PRPSAP1: variants seen among roughly 807,000 people sequenced by gnomAD.
PRPSAP1 encodes phosphoribosyl pyrophosphate synthetase associated protein 1, also known as phosphoribosyl pyrophosphate synthase-associated protein 1.
A neutral mutation model predicts 39.4 loss-of-function variants in PRPSAP1; 31 were observed. The ratio of observed to expected loss-of-function variants is 0.79; its 90% confidence interval spans 0.59 to 1.06. PRPSAP1 has a LOEUF of 1.06. Among genes scored for constraint, PRPSAP1 ranks in the 50% least tolerant of loss-of-function variants. The pLI is 0.00. For missense variants in PRPSAP1, 430 were observed against 511.6 expected (o/e 0.84, Z 1.54); for synonymous variants, 212 against 192.6 (o/e 1.10, Z -0.83).
chr17:76,325,357 T>C (rs1181658790), intron 7 of PRPSAP1, among the ~76,000 whole-genome samples: 1 of 113,434 alleles, frequency 8.8e-6, no homozygotes, highest in African/African-American at 3.5e-5. Flanking sequence ...TGCAGTGAGC[T>C]GAGATCGCGC....
At chr17:76,331,117 A>T (rs563209303) in intron 4 of PRPSAP1, among the ~76,000 whole-genome samples, 2 of 152,344 alleles carry the variant, frequency 1.3e-5, no homozygotes, top group Admixed American at 1.3e-4. Context: ...TAACACAAAG[A>T]TATTGAAGCT....
At chr17:76,330,266 GA>G in intron 5 of PRPSAP1, 168 bp from the exon 6 acceptor site, 2 of 612,814 alleles carry the variant, frequency 3.3e-6, no homozygotes, top group Non-Finnish European at 5.6e-6. Flanking sequence ...AACATCACTG[GA>G]AAAAGCACTC....
rs1427798555 is a variant in PRPSAP1, at chr17:76,310,274, G to C, written c.*1268C>G. 5.4e-5 allele frequency: 8 copies of C among 147,558 alleles called. No homozygotes were observed. Among genetic ancestry groups the C allele is most frequent in the African/African-American group, 7.9e-5 (3 of 37,950 alleles). 9.1% of individuals were successfully genotyped at this position (147,558 alleles called of 1,614,324 possible). On this transcript the variant is annotated 3_prime_UTR_variant, in exon 10 of 10. Transcript: ENST00000446526. ...GGCCTCCCAAAGTGCTGGGATTACA[G>C]GCGTGAGCCATGATGCCTGGCCTCT...
chr17:76,319,687 T>C (rs1363241839), intron 7 of PRPSAP1, among the ~76,000 whole-genome samples: 1 of 151,886 alleles, frequency 6.6e-6, no homozygotes, highest in Non-Finnish European at 1.5e-5. Flanking sequence ...CAGGCTGACC[T>C]CGTGATTCGC....
intron 3 of PRPSAP1, among the ~76,000 whole-genome samples, chr17:76,340,851 G>A (rs1055259063): frequency 5.4e-5 from 8 of 146,832 alleles, no homozygotes; most frequent in Non-Finnish European, 9.0e-5. Flanking sequence ...GCAGTGAACC[G>A]AGATCGCGCC....
intron 7 of PRPSAP1, 80 bp downstream of exon 7, chr17:76,328,631 AAACAAC>A: frequency 6.7e-7 from 1 of 1,498,312 alleles, no homozygotes; most frequent in East Asian, 2.4e-5. Flanking sequence ...AAACAAAACA[AAACAAC>A]AACAACAAAA....
At chr17:76,314,201 AATGTATGT>A (rs58359232) in intron 7 of PRPSAP1, 43 of 359,070 alleles carry the variant, frequency 1.2e-4, no homozygotes, top group Non-Finnish European at 1.7e-4. Context: ...CTGATATAAA[AATGTATGT>A]ATGTATGTAT....
chr17:76,323,064 G>A (rs1457079014), intron 7 of PRPSAP1, among the ~76,000 whole-genome samples: 2 of 151,224 alleles, frequency 1.3e-5, no homozygotes, highest in East Asian at 3.9e-4. Context: ...ACATTTGGCT[G>A]GGCGTGGTGG....
chr17:76,336,349 A>C (rs1331637220), intron 3 of PRPSAP1, among the ~76,000 whole-genome samples: 1 of 151,534 alleles, frequency 6.6e-6, no homozygotes, highest in African/African-American at 2.4e-5. Context: ...GAGGCAGAAG[A>C]ATTGCTTGAA....
rs747713077 is a variant in PRPSAP1, at chr17:76,353,545, C to T, written c.159G>A (p.Lys53=). 36 of 1,537,184 alleles carry T rather than the reference C, an allele frequency of 2.3e-5. No homozygotes were observed. In the Middle Eastern group the frequency reaches 1.2e-3, roughly 49 times the overall value. The change falls in exon 1 of 10, where the codon AAG becomes AAA. Residue 53 remains lysine, a synonymous_variant. Transcript: ENST00000446526. The part of the protein sequence containing the change: ...NSTAACTELA[K]RITERLGAEL... ...CACCGCCCCCTTACTCTGTGATGCG[C>T]TTGGCCAGCTCCGTGCAGGCGGCCG...
intron 3 of PRPSAP1, among the ~76,000 whole-genome samples, chr17:76,338,019 C>T (rs1598533980): frequency 1.5e-5 from 2 of 130,790 alleles, no homozygotes; most frequent in Non-Finnish European, 3.2e-5. Context: ...TTACTTAGTT[C>T]CATTGCTTGG....
chr17:76,326,846 T>C (rs1026001191), intron 7 of PRPSAP1, among the ~76,000 whole-genome samples: 1 of 152,046 alleles, frequency 6.6e-6, no homozygotes, highest in African/African-American at 2.4e-5. Flanking sequence ...TCTGGTTATA[T>C]AAGAGTCTTT....
chr17:76,328,925 C>A, intron 6 of PRPSAP1, 63 bp from the exon 7 acceptor site: 2 of 1,501,574 alleles, frequency 1.3e-6, no homozygotes, highest in Non-Finnish European at 1.8e-6. Context: ...ACTACGGCAT[C>A]ATTTTTTAAC....
At chr17:76,330,476 C>T (rs771546235) in intron 5 of PRPSAP1, 75 bp downstream of exon 5, 129 of 1,176,304 alleles carry the variant, frequency 1.1e-4, no homozygotes, top group Middle Eastern at 5.9e-4. Context: ...CTTCCAGTAA[C>T]GAAATCTGAT....
intron 3 of PRPSAP1, among the ~76,000 whole-genome samples, chr17:76,343,102 A>G (rs1386303839): frequency 6.6e-6 from 1 of 152,140 alleles, no homozygotes; most frequent in Non-Finnish European, 1.5e-5. Context: ...ACAAAAACGA[A>G]ACATATAAAG....
intron 3 of PRPSAP1, among the ~76,000 whole-genome samples, chr17:76,334,388 T>C (rs2071357571): frequency 1.3e-5 from 2 of 152,246 alleles, no homozygotes; most frequent in South Asian, 2.1e-4. Context: ...GGTGGCTGAA[T>C]GAAATACTCA....
chr17:76,330,498 A>G (rs1292499263), intron 5 of PRPSAP1, 53 bp downstream of exon 5: 3 of 1,371,184 alleles, frequency 2.2e-6, no homozygotes, highest in African/African-American at 2.9e-5. Flanking sequence ...CCAGAGAAAA[A>G]CTAAATAAGA....
intron 2 of PRPSAP1, 24 bp from the exon 3 acceptor site, chr17:76,344,761 G>A (rs774981679): frequency 1.3e-4 from 192 of 1,513,678 alleles, no homozygotes; most frequent in Non-Finnish European, 1.6e-4. Flanking sequence ...ATGTTCTGAA[G>A]TTTTAAGAAA....
chr17:76,328,425 A>G (rs886937203), intron 7 of PRPSAP1, among the ~76,000 whole-genome samples: 1 of 152,074 alleles, frequency 6.6e-6, no homozygotes, highest in African/African-American at 2.4e-5. Flanking sequence ...CCTGGCCAAC[A>G]TGGTGAAACC....
Sources: gnomAD v4.1 joint callset for allele counts (sites outside exome capture counted in the v4.1 genomes callset) on GRCh38, gnomAD v4.1.1 for gene constraint, MANE v1.5 for transcripts, NCBI Gene and HGNC (gene_info 2026-07-23, HGNC 2026-07-21) for gene names.